Variants in RASGRF1 observed in about 807,000 individuals in gnomAD.
The protein encoded by RASGRF1 is ras-specific guanine nucleotide-releasing factor 1.
Under a neutral mutation model 138.7 loss-of-function variants are expected in RASGRF1, and 40 were observed. The observed-to-expected ratio is 0.29, with a 90% CI of 0.22 to 0.38. RASGRF1 has a LOEUF of 0.38. Ranked by LOEUF, RASGRF1 falls within the 10% of genes least tolerant of loss-of-function variation. The pLI, the probability that RASGRF1 is intolerant of heterozygous loss-of-function variation, is 1.00. For synonymous variants in RASGRF1, 614 were observed against 663.2 expected (o/e 0.93, Z 1.14); for missense variants, 1,108 against 1,650.4 (o/e 0.67, Z 5.69).
chr15:78,979,408 G>A (rs1379858529), intron 24 of RASGRF1: 1 of 237,030 alleles, frequency 4.2e-6, no homozygotes, highest in Non-Finnish European at 8.6e-6. Context: ...AAACTCTGGT[G>A]TTCCCTGCGT....
Position 78,999,815 on chromosome 15 carries a change from T to C in RASGRF1, c.2674A>G (p.Ile892Val), listed in dbSNP as rs756402158. ...CCCTCGTTGGCCCCGGCGGTTGCTA[T>C]GGCAAAGGCAGAGGCGGCCGACAAG... is the stretch of plus-strand genomic sequence containing the variant. ...SALSAASAFA[I>V]ATAGANEGTP... Residue 892 changes from isoleucine to valine, a missense_variant, in exon 17 of 27, where the codon ATA becomes GTA. Around this residue, in one of 3 missense-constraint regions of RASGRF1, gnomAD observed 686 missense variants for 976.7 expected, o/e 0.70. Transcript: ENST00000558480. 3.1e-6 allele frequency: 5 copies of C among 1,614,136 alleles called. No individual in the cohort carries two copies. The highest frequency in any genetic ancestry group is 4.2e-6 in the Non-Finnish European group (5 of 1,180,014).
At chr15:79,055,971 T>C (rs1026288347) in intron 3 of RASGRF1, among the ~76,000 whole-genome samples, 1 of 152,064 alleles carries the variant, frequency 6.6e-6, no homozygotes, top group African/African-American at 2.4e-5. Flanking sequence ...GCCAGGCCTG[T>C]TGGGGTGACA....
intron 7 of RASGRF1, 56 bp from the exon 8 acceptor site, chr15:79,031,565 G>T: frequency 7.9e-7 from 1 of 1,270,812 alleles, no homozygotes; most frequent in Non-Finnish European, 1.1e-6. Flanking sequence ...GTATGGCCGG[G>T]GAGCAAGGCA....
chr15:79,006,091 AC>A lies in RASGRF1; in HGVS notation c.2075+94del. 1 of 1,536,410 alleles carries A rather than the reference AC, an allele frequency of 6.5e-7. No individual in the cohort carries two copies. The highest frequency in any genetic ancestry group is 8.9e-7 in the Non-Finnish European group (1 of 1,127,716). On this transcript the variant is annotated intron_variant, in intron 14 of 26. Coordinates refer to ENST00000558480, the MANE Select transcript of RASGRF1 (RefSeq NM_001145648.3). This position sits in a 1 kb window ranked among gnomAD's most constrained non-coding sequence, Gnocchi z 4.0. ...ACACGTTACTGCTGCTCCTCCAGGG[AC>A]CTTCCAGGTCACCCCCCGGCCCCGT...
chr15:79,032,215 G>A lies in RASGRF1; in HGVS notation c.1060C>T (p.Arg354Cys), dbSNP rs1330314423. 3.1e-6 allele frequency: 5 copies of A among 1,614,096 alleles called. No homozygotes were observed. The highest frequency in any genetic ancestry group is 1.7e-5 in the Admixed American group (1 of 60,006). ...LQILAHCKQN[R>C]DFDKLLKHYE... is the part of the protein sequence containing the mutation. Reference sequence around the variant, plus strand: ...TGCTTCAGCAGCTTGTCGAAGTCACGGTTCTGCTTGCAGTGGGCCAGGATC... The same window carrying A: ...TGCTTCAGCAGCTTGTCGAAGTCACAGTTCTGCTTGCAGTGGGCCAGGATC... Residue 354 changes from arginine (R) to cysteine (C), a missense_variant, in exon 7 of 27, where the codon CGT (arginine) becomes TGT (cysteine). Arg to Cys is a radical substitution (Grantham distance 180, BLOSUM62 -3). This residue lies in a region of RASGRF1 where 169 missense variants were observed against 344.2 expected (regional missense o/e 0.49). Transcript: ENST00000558480. This position sits in a 1 kb window ranked among gnomAD's most constrained non-coding sequence, Gnocchi z 4.5.
chr15:79,089,876 T>A (rs1452874729), intron 1 of RASGRF1, among the ~76,000 whole-genome samples: 2 of 152,122 alleles, frequency 1.3e-5, no homozygotes, highest in African/African-American at 4.8e-5. Flanking sequence ...GGAGCACCAT[T>A]TTTGGCTGGA....
chr15:79,012,690 C>G (rs747622488), intron 13 of RASGRF1, among the ~76,000 whole-genome samples: 1 of 152,116 alleles, frequency 6.6e-6, no homozygotes, highest in Admixed American at 6.6e-5. Flanking sequence ...TCCGCACTCT[C>G]TCTTTTTTTT....
chr15:78,962,175 G>A lies in RASGRF1; in HGVS notation c.3743C>T (p.Ser1248Phe). 6.3e-7 allele frequency: 1 copy of A among 1,589,178 alleles called. No homozygotes were observed. The highest frequency in any genetic ancestry group is 1.1e-5 in the South Asian group (1 of 88,086). The change falls in exon 27 of 27, where the codon TCT becomes TTT. Residue 1248 changes from serine (S) to phenylalanine (F), a missense_variant. Coordinates refer to ENST00000558480, the MANE Select transcript of RASGRF1 (RefSeq NM_001145648.3). Reference protein sequence around the residue: ...VMDEESLYESSLRIEPKLPT With the variant: ...VMDEESLYESFLRIEPKLPT ...GGGGAGTTTTGGTTCTATTCGGAGA[G>A]AAGACTCGTAGAGGCTTTCTTCATC...
At chr15:79,033,146 G>T (rs966930672) in intron 6 of RASGRF1, among the ~76,000 whole-genome samples, 1 of 152,134 alleles carries the variant, frequency 6.6e-6, no homozygotes, top group African/African-American at 2.4e-5. Flanking sequence ...TATATACTTT[G>T]CCTTTCCAGT....
intron 10 of RASGRF1, among the ~76,000 whole-genome samples, chr15:79,022,495 A>AT (rs947304609): frequency 2.0e-5 from 3 of 149,454 alleles, no homozygotes; most frequent in African/African-American, 7.4e-5. Context: ...CTAATCACAA[A>AT]CAAGCAAACA....
At chr15:78,993,846 G>A (rs912581778) in intron 20 of RASGRF1, among the ~76,000 whole-genome samples, 1 of 152,138 alleles carries the variant, frequency 6.6e-6, no homozygotes, top group Non-Finnish European at 1.5e-5. Context: ...GGCTCCTTCC[G>A]CTCACTTCTG....
In RASGRF1 at chr15:79,001,927, C is replaced by T. The variant is rs947921355; in HGVS notation, c.2450-140G>A. 9 of 524,504 alleles carry T rather than the reference C, an allele frequency of 1.7e-5. No individual in the cohort carries two copies. In the East Asian group the frequency reaches 3.7e-4, roughly 21 times the overall value. The allele number at this position is 524,504 out of a possible 1,614,324, so 32.5% of individuals were successfully genotyped here. On this transcript the variant is annotated intron_variant, in intron 15 of 26. Transcript: ENST00000558480. ...GATACAGCCACTGAAGAAAGTTTAACAGCTTTGTTTCCCGCAGGACTCATC... is the reference window on the plus strand; with the variant it reads ...GATACAGCCACTGAAGAAAGTTTAATAGCTTTGTTTCCCGCAGGACTCATC...
chr15:79,035,114 G>T lies in RASGRF1; in HGVS notation c.958+17C>A. On this transcript the variant is annotated intron_variant, in intron 6 of 26. Transcript: ENST00000558480. ...GGGGGACTTCTCTGGGGGCCGCAGTGAGGGCTGACTACTCACCCAGGACCA... is the reference window on the plus strand; with the variant it reads ...GGGGGACTTCTCTGGGGGCCGCAGTTAGGGCTGACTACTCACCCAGGACCA... 1 of 1,602,904 alleles carries T rather than the reference G, an allele frequency of 6.2e-7. No homozygotes were observed. The highest frequency in any genetic ancestry group is 8.5e-7 in the Non-Finnish European group (1 of 1,171,646).
chr15:79,052,913 C>T (rs888292418), intron 3 of RASGRF1, among the ~76,000 whole-genome samples: 2 of 152,120 alleles, frequency 1.3e-5, no homozygotes, highest in African/African-American at 2.4e-5. Context: ...CCCCTCCTTT[C>T]CCCAGAGCAG....
At position 79,020,098 on chromosome 15, in the gene RASGRF1, C is replaced by A; in HGVS notation, c.1549G>T (p.Val517Phe). Residue 517 changes from valine to phenylalanine, a missense_variant, in exon 11 of 27, where the codon GTC (valine) becomes TTC (phenylalanine). By Grantham distance (50) the Val-to-Phe change is conservative. Coordinates refer to ENST00000558480, the MANE Select transcript of RASGRF1 (RefSeq NM_001145648.3). ...AAAGTGCAGTCAATGAGGGATATGA[C>A]TCCATTCTGAAAAAGAGCAGCAGGG... Reference protein sequence around the residue: ...GGKLHLTKNGVISLIDCTLLE... With the variant: ...GGKLHLTKNGFISLIDCTLLE... 6.2e-7 allele frequency: 1 copy of A among 1,613,976 alleles called. No homozygotes were observed. Among genetic ancestry groups the A allele is most frequent in the East Asian group, 2.2e-5 (1 of 44,892 alleles).
At position 78,989,431 on chromosome 15, in the gene RASGRF1, G is replaced by T. The variant is rs141850378; in HGVS notation, c.3216+758C>A. Among the ~76,000 whole-genome samples the T allele has an allele frequency of 5.3e-3, 814 of 152,218 alleles. 5 individuals carry two copies. Among genetic ancestry groups the T allele is most frequent in the Non-Finnish European group, 8.9e-3 (602 of 68,004 alleles). On this transcript the variant is annotated intron_variant, in intron 22 of 26. Coordinates refer to ENST00000558480, the MANE Select transcript of RASGRF1 (RefSeq NM_001145648.3). ...AGGGAGATTCAGGAGCCTTAGTCTC[G>T]CCCAGCACTGTGGCCTCCTAACATT... is the stretch of plus-strand genomic sequence containing the variant.
Position 79,027,626 on chromosome 15 carries a change from G to T in RASGRF1, c.1381+115C>A. ...CTGGGAATATTCTGCAATCACATTG[G>T]CAGGTCTTGGCATGTGGCAGCCAAA... On this transcript the variant is annotated intron_variant, in intron 9 of 26. Coordinates refer to ENST00000558480, the MANE Select transcript of RASGRF1 (RefSeq NM_001145648.3). This position sits in a 1 kb window ranked among gnomAD's most constrained non-coding sequence, Gnocchi z 4.8. 1.2e-6 allele frequency: 1 copy of T among 820,364 alleles called. No homozygotes were observed. The allele number at this position is 820,364 out of a possible 1,614,324, so 50.8% of individuals were successfully genotyped here.
intron 13 of RASGRF1, among the ~76,000 whole-genome samples, chr15:79,007,486 T>G (rs2056702862): frequency 6.6e-6 from 1 of 152,132 alleles, no homozygotes; most frequent in African/African-American, 2.4e-5. Context: ...TCATTTCTTT[T>G]TATTTACTTC....
intron 12 of RASGRF1, among the ~76,000 whole-genome samples, chr15:79,016,797 GC>G (rs1346535017): frequency 6.6e-6 from 1 of 152,210 alleles, no homozygotes; most frequent in Non-Finnish European, 1.5e-5. Context: ...CCTGGAAGGG[GC>G]ACAAAACCAA....
Sources: allele counts gnomAD v4.1 joint callset (sites outside exome capture counted in the v4.1 genomes callset), GRCh38; gene constraint gnomAD v4.1.1; regional missense constraint gnomAD v4.1.1; non-coding constraint Gnocchi (gnomAD v3.1); transcripts MANE v1.5; gene names NCBI Gene and HGNC (gene_info 2026-07-23, HGNC 2026-07-21).